Variants in FGFR2 observed in about 807,000 individuals in gnomAD.
FGFR2 encodes BEK fibroblast growth factor receptor.
FGFR2 carries 19 observed loss-of-function variants against 95.9 expected under a neutral mutation model. That is an observed-to-expected ratio of 0.20 (90% CI 0.14 to 0.29). The LOEUF (loss-of-function observed/expected upper bound fraction) is 0.29, where lower values mean the gene tolerates loss of function less well. Among genes scored for constraint, FGFR2 ranks in the 10% least tolerant of loss-of-function variants. The pLI is 1.00. For synonymous variants in FGFR2, 392 were observed against 393.3 expected (o/e 1.00, Z 0.04); for missense variants, 707 against 1,056.9 (o/e 0.67, Z 4.59).
At chr10:121,501,306 A>T (rs1415050244) in intron 10 of FGFR2, among the ~76,000 whole-genome samples, 1 of 152,212 alleles carries the variant, frequency 6.6e-6, no homozygotes, top group Admixed American at 6.5e-5. Context: ...AAAAAACGTT[A>T]AGACTGTTCT....
intron 3 of FGFR2, among the ~76,000 whole-genome samples, chr10:121,564,891 A>C (rs931928398): frequency 2.0e-5 from 3 of 152,214 alleles, no homozygotes; most frequent in Non-Finnish European, 2.9e-5. Flanking sequence ...CCAATTGTGT[A>C]GCACCCAAAG....
At chr10:121,587,653 G>C (rs748566033) in intron 2 of FGFR2, among the ~76,000 whole-genome samples, 1 of 151,824 alleles carries the variant, frequency 6.6e-6, no homozygotes, top group Non-Finnish European at 1.5e-5. Flanking sequence ...GAAAAAAAAA[G>C]CTCATCACTA....
intron 6 of FGFR2, chr10:121,527,794 A>T (rs1851579884): frequency 6.6e-6 from 1 of 152,238 alleles, no homozygotes; most frequent in Admixed American, 6.5e-5. Flanking sequence ...GGGTTTTGAC[A>T]CTGATGTAAA....
At chr10:121,505,708 A>C in intron 9 of FGFR2, among the ~76,000 whole-genome samples, 1 of 152,174 alleles carries the variant, frequency 6.6e-6, no homozygotes, top group East Asian at 1.9e-4. Flanking sequence ...GTGGTATCCA[A>C]CCTCACTGTA....
intron 2 of FGFR2, among the ~76,000 whole-genome samples, chr10:121,572,633 C>A (rs1235712999): frequency 6.6e-6 from 1 of 151,770 alleles, no homozygotes; most frequent in East Asian, 1.9e-4. Context: ...AAAAAAAAAA[C>A]ACAAATAAAT....
chr10:121,590,343 G>A (rs948318027), intron 2 of FGFR2, among the ~76,000 whole-genome samples: 2 of 152,118 alleles, frequency 1.3e-5, no homozygotes, highest in South Asian at 2.1e-4. Context: ...TTGAAAGTAA[G>A]AGTTGCCCCC....
chr10:121,581,245 A>G (rs1465586918), intron 2 of FGFR2, among the ~76,000 whole-genome samples: 1 of 152,230 alleles, frequency 6.6e-6, no homozygotes, highest in African/African-American at 2.4e-5. Flanking sequence ...AGCTGCACGC[A>G]TTCACTCAAC....
intron 4 of FGFR2, among the ~76,000 whole-genome samples, chr10:121,562,493 C>T (rs1004174798): frequency 1.3e-5 from 2 of 152,138 alleles, no homozygotes; most frequent in African/African-American, 4.8e-5. Flanking sequence ...GCCATGTTGG[C>T]CAAGCTGGTC....
chr10:121,538,462 T>C, intron 6 of FGFR2, 130 bp downstream of exon 6: 4 of 1,314,782 alleles, frequency 3.0e-6, no homozygotes, highest in Non-Finnish European at 4.4e-6. Context: ...AAAATGATAG[T>C]AGAAAGAATA....
intron 17 of FGFR2, chr10:121,480,339 C>T (rs2133694405): frequency 2.2e-6 from 1 of 448,364 alleles, no homozygotes; most frequent in Admixed American, 3.4e-5. Context: ...AACAATAAAA[C>T]CTAGTTGAGC....
intron 2 of FGFR2, among the ~76,000 whole-genome samples, chr10:121,593,030 C>T (rs1283034729): frequency 1.3e-5 from 2 of 152,126 alleles, no homozygotes; most frequent in African/African-American, 4.8e-5. Flanking sequence ...GGACTTACAC[C>T]TTGAAAATTA....
chr10:121,596,940 CG>C (rs1288477708), intron 1 of FGFR2, among the ~76,000 whole-genome samples: 2 of 152,058 alleles, frequency 1.3e-5, no homozygotes, highest in Non-Finnish European at 2.9e-5. Context: ...GAGTCGAGCC[CG>C]GTGGAAGATT....
intron 3 of FGFR2, 150 bp from the exon 4 acceptor site, chr10:121,564,729 A>T (rs1857430390): frequency 2.8e-6 from 2 of 706,150 alleles, no homozygotes. Context: ...AGATAGTTTT[A>T]ATGGCTTAAA....
intron 9 of FGFR2, among the ~76,000 whole-genome samples, chr10:121,513,564 T>A (rs966897789): frequency 6.6e-6 from 1 of 152,174 alleles, no homozygotes; most frequent in Non-Finnish European, 1.5e-5. Context: ...CATTTTTCCC[T>A]ATTAGAAAAA....
chr10:121,537,711 G>A (rs1853059778), intron 6 of FGFR2, among the ~76,000 whole-genome samples: 1 of 25,140 alleles, frequency 4.0e-5, no homozygotes, highest in South Asian at 2.8e-3. Context: ...ATTTAGGGGA[G>A]GACAAACCAA....
chr10:121,560,464 A>C (rs534878294), intron 4 of FGFR2, among the ~76,000 whole-genome samples: 86 of 151,720 alleles, frequency 5.7e-4, no homozygotes, highest in Non-Finnish European at 1.1e-3. Flanking sequence ...AAATACAAAA[A>C]ATTAGCCGGG....
At chr10:121,574,483 C>T (rs7895676) in intron 2 of FGFR2, among the ~76,000 whole-genome samples, 60,917 of 151,740 alleles carry the variant, frequency 0.4, 14,331 homozygotes, top group Non-Finnish European at 0.52. Context: ...GAGCCCAGAT[C>T]GCACCACTGC....
At chr10:121,500,281 G>A (rs755745775) in intron 11 of FGFR2, among the ~76,000 whole-genome samples, 11 of 152,190 alleles carry the variant, frequency 7.2e-5, no homozygotes, top group Non-Finnish European at 1.3e-4. Flanking sequence ...TTGTTTATGT[G>A]TCCCAGGAGG....
intron 11 of FGFR2, among the ~76,000 whole-genome samples, chr10:121,499,087 G>A (rs527686979): frequency 6.6e-6 from 1 of 152,274 alleles, no homozygotes; most frequent in South Asian, 2.1e-4. Flanking sequence ...CATAAACAGG[G>A]CCATAAACGT....
Sources: gnomAD v4.1 joint callset for allele counts (sites outside exome capture counted in the v4.1 genomes callset) on GRCh38, gnomAD v4.1.1 for gene constraint, MANE v1.5 for transcripts, NCBI Gene and HGNC (gene_info 2026-07-23, HGNC 2026-07-21) for gene names.